Variants in PDS5B observed in about 807,000 individuals in gnomAD.
The protein encoded by PDS5B is PDS5 cohesin associated factor B.
Under a neutral mutation model 184.1 loss-of-function variants are expected in PDS5B, and 51 were observed. The ratio of observed to expected loss-of-function variants is 0.28; its 90% CI spans 0.22 to 0.35. The LOEUF is 0.35. Ranked by LOEUF, PDS5B falls within the 10% of genes least tolerant of loss-of-function variation. PDS5B has a pLI of 1.00. For missense variants in PDS5B, 1,180 were observed against 1,723.3 expected, an observed-to-expected ratio of 0.68 and a Z score of 5.58; for synonymous variants, 566 against 569.2, an observed-to-expected ratio of 0.99 and a Z score of 0.08.
intron 14 of PDS5B, among the ~76,000 whole-genome samples, chr13:32,696,315 C>T (rs1951701667): frequency 6.6e-6 from 1 of 152,066 alleles, no homozygotes; most frequent in African/African-American, 2.4e-5. Context: ...TTATACATGA[C>T]TTTACATGCA....
chr13:32,740,341 T>C (rs1266194912), intron 21 of PDS5B, among the ~76,000 whole-genome samples: 1 of 152,220 alleles, frequency 6.6e-6, no homozygotes, highest in Non-Finnish European at 1.5e-5. Flanking sequence ...TTTTCATTAT[T>C]TTTACTTCAT....
chr13:32,678,438 G>C (rs1041197390), intron 9 of PDS5B, among the ~76,000 whole-genome samples: 1 of 152,112 alleles, frequency 6.6e-6, no homozygotes, highest in South Asian at 2.1e-4. Flanking sequence ...ATTTAAAAGG[G>C]AATACTTTAG....
At chr13:32,663,676 A>C (rs1950710637) in intron 6 of PDS5B, among the ~76,000 whole-genome samples, 1 of 152,172 alleles carries the variant, frequency 6.6e-6, no homozygotes, top group South Asian at 2.1e-4. Flanking sequence ...CTGTTCAGGC[A>C]AAAAGGCAAA....
chr13:32,680,709 T>G (rs1951215064), intron 10 of PDS5B, among the ~76,000 whole-genome samples: 4 of 152,214 alleles, frequency 2.6e-5, no homozygotes, highest in Admixed American at 2.6e-4. Flanking sequence ...CTCTTCCTTG[T>G]TTTAAGATCC....
intron 23 of PDS5B, among the ~76,000 whole-genome samples, chr13:32,744,147 G>C (rs965545319): frequency 6.6e-6 from 1 of 152,060 alleles, no homozygotes; most frequent in Non-Finnish European, 1.5e-5. Flanking sequence ...TTATTTATCA[G>C]CAAGTTATTT....
intron 1 of PDS5B, among the ~76,000 whole-genome samples, chr13:32,600,055 G>A (rs867992373): frequency 6.6e-6 from 1 of 152,068 alleles, no homozygotes. Flanking sequence ...TCTTTTAAAT[G>A]TTGTATCTAA....
intron 1 of PDS5B, among the ~76,000 whole-genome samples, chr13:32,619,889 C>G (rs1419284015): frequency 1.3e-5 from 2 of 152,116 alleles, no homozygotes; most frequent in Non-Finnish European, 2.9e-5. Context: ...ACCTTTGCCT[C>G]CTGGGTTCAA....
intron 1 of PDS5B, among the ~76,000 whole-genome samples, chr13:32,607,767 C>T (rs1231368743): frequency 6.6e-6 from 1 of 152,216 alleles, no homozygotes; most frequent in Non-Finnish European, 1.5e-5. Flanking sequence ...ATGGCGAATG[C>T]CCCTCCCCCA....
At chr13:32,741,942 A>G (rs549023352) in intron 22 of PDS5B, among the ~76,000 whole-genome samples, 1 of 152,124 alleles carries the variant, frequency 6.6e-6, no homozygotes, top group East Asian at 1.9e-4. Flanking sequence ...GCAGCACTGG[A>G]CTAGAAGGTA....
rs539464464 is a variant in PDS5B at position 32,680,577 on chromosome 13, C to T, written c.1057+1648C>T. Among the ~76,000 whole-genome samples, 4 of 152,316 alleles carry T rather than the reference C, an allele frequency of 2.6e-5. No individual in the cohort carries two copies. In the South Asian group the frequency reaches 6.2e-4, roughly 24 times the overall value. The stretch of plus-strand genomic sequence containing the variant: ...CCATGCCCTCAACCGTTTGGGGTCC[C>T]CCAGTTTAGAGCTACTGTTTTATAT... On this transcript the variant is annotated intron_variant, in intron 10 of 34. Coordinates refer to ENST00000315596, the MANE Select transcript of PDS5B (RefSeq NM_015032.4).
At chr13:32,768,668 C>T (rs924892596) in intron 31 of PDS5B, among the ~76,000 whole-genome samples, 1 of 151,734 alleles carries the variant, frequency 6.6e-6, no homozygotes, top group Non-Finnish European at 1.5e-5. Context: ...TGGCACATGC[C>T]TCTAGTCCCA....
intron 1 of PDS5B, among the ~76,000 whole-genome samples, chr13:32,620,172 G>C (rs141932300): frequency 1.6e-3 from 243 of 152,272 alleles, no homozygotes; most frequent in African/African-American, 5.6e-3. Context: ...GCTTTGGCTG[G>C]TATGTGGAAA....
chr13:32,769,785 A>AT (rs1954716154), intron 31 of PDS5B, among the ~76,000 whole-genome samples: 1 of 152,172 alleles, frequency 6.6e-6, no homozygotes, highest in South Asian at 2.1e-4. Context: ...TATAGTTGTC[A>AT]TTTAGGACCA....
chr13:32,705,270 A>G (rs149691831), intron 17 of PDS5B, among the ~76,000 whole-genome samples: 147 of 152,326 alleles, frequency 9.7e-4, no homozygotes, highest in African/African-American at 3.4e-3. Context: ...GATAGTTTTC[A>G]TTCCTGCGTA....
intron 14 of PDS5B, among the ~76,000 whole-genome samples, chr13:32,695,851 T>G (rs1171594984): frequency 1.3e-5 from 2 of 152,084 alleles, no homozygotes; most frequent in Non-Finnish European, 2.9e-5. Flanking sequence ...CTAGAATGTT[T>G]TAGTTCTTTT....
rs1369366298 is a variant in PDS5B at position 32,675,867 on chromosome 13, A to G, written c.870A>G (p.Leu290=). 8.1e-6 allele frequency: 13 copies of G among 1,611,816 alleles called. No individual in the cohort carries two copies. The highest frequency in any genetic ancestry group is 1.7e-5 in the Admixed American group (1 of 60,020). ...AGAGCAATGATAATGAGGAGCGCCT[A>G]CAAGTTGTTAAACTACTGGCAAAAA... ...KLKSNDNEER[L]QVVKLLAKMF... is the part of the protein sequence containing the mutation. The change falls in exon 9 of 35, where the codon CTA becomes CTG. Residue 290 remains leucine (L), a synonymous_variant. Coordinates refer to ENST00000315596, the MANE Select transcript of PDS5B (RefSeq NM_015032.4).
At position 32,699,166 on chromosome 13, in the gene PDS5B, G is replaced by C. The variant is rs75136307; in HGVS notation, c.1601-564G>C. Among the ~76,000 whole-genome samples the C allele has an allele frequency of 4.5e-3, 683 of 152,256 alleles. 8 individuals carry two copies. Among genetic ancestry groups the C allele is most frequent in the African/African-American group, 0.016 (659 of 41,552 alleles). On this transcript the variant is annotated intron_variant, in intron 15 of 34. Transcript: ENST00000315596. ...ATTTTGATACATAGACACATTAGCA[G>C]AATAGTATAAAAATCATTTTTGATT...
At chr13:32,728,861 A>G (rs765329082) in intron 19 of PDS5B, among the ~76,000 whole-genome samples, 3 of 152,152 alleles carry the variant, frequency 2.0e-5, no homozygotes, top group Non-Finnish European at 4.4e-5. Flanking sequence ...TCCTCTTGTT[A>G]TAGTTTTTTA....
intron 14 of PDS5B, among the ~76,000 whole-genome samples, chr13:32,695,267 C>G (rs1249387454): frequency 6.6e-6 from 1 of 151,956 alleles, no homozygotes; most frequent in African/African-American, 2.4e-5. Context: ...ACAATGACCT[C>G]TTTGTGTTTT....
Sources: allele counts gnomAD v4.1 joint callset (sites outside exome capture counted in the v4.1 genomes callset), GRCh38; gene constraint gnomAD v4.1.1; transcripts MANE v1.5; gene names NCBI Gene and HGNC (gene_info 2026-07-23, HGNC 2026-07-21).